Variants in ERC1 observed in about 807,000 individuals in gnomAD.
The protein encoded by ERC1 is ELKS/RAB6-interacting/CAST family member 1.
ERC1 carries 56 observed loss-of-function variants against 132.0 expected under a neutral mutation model. That is an observed-to-expected ratio of 0.42 (90% CI 0.34 to 0.53). ERC1 has a LOEUF of 0.53. ERC1 is among the 20% of genes least tolerant of loss of function. The pLI, the probability that ERC1 is intolerant of heterozygous loss-of-function variation, is 0.03. For synonymous variants in ERC1, 478 were observed against 476.1 expected, an observed-to-expected ratio of 1.00 and a Z score of -0.05; for missense variants, 1,202 against 1,349.9, an observed-to-expected ratio of 0.89 and a Z score of 1.72.
chr12:1,154,319 GTATA>G (rs201196014), intron 8 of ERC1, among the ~76,000 whole-genome samples: 1 of 139,278 alleles, frequency 7.2e-6, no homozygotes, highest in Non-Finnish European at 1.5e-5. Context: ...ATGTGTGTGT[GTATA>G]TATATATACA....
chr12:1,261,069 A>C (rs1173249820), intron 13 of ERC1, among the ~76,000 whole-genome samples: 3 of 152,342 alleles, frequency 2.0e-5, no homozygotes, highest in Admixed American at 6.5e-5. Context: ...GATTCTCTGC[A>C]TTGTGACAGA....
At chr12:1,310,123 A>AT (rs1422113405) in intron 15 of ERC1, among the ~76,000 whole-genome samples, 1 of 151,116 alleles carries the variant, frequency 6.6e-6, no homozygotes, top group East Asian at 1.9e-4. Flanking sequence ...AATTTTTTGT[A>AT]TTTTTAATAG....
intron 18 of ERC1, among the ~76,000 whole-genome samples, chr12:1,466,085 C>T (rs2093737156): frequency 6.6e-6 from 1 of 152,174 alleles, no homozygotes; most frequent in Non-Finnish European, 1.5e-5. Flanking sequence ...CACTGTATTA[C>T]CTTGCTCGGG....
At chr12:1,281,035 G>C (rs2078642881) in intron 14 of ERC1, among the ~76,000 whole-genome samples, 1 of 152,116 alleles carries the variant, frequency 6.6e-6, no homozygotes, top group South Asian at 2.1e-4. Context: ...CATTGCAAAT[G>C]AGAAGAATTA....
At chr12:1,407,464 A>C (rs1427082281) in intron 16 of ERC1, among the ~76,000 whole-genome samples, 1 of 152,046 alleles carries the variant, frequency 6.6e-6, no homozygotes, top group Non-Finnish European at 1.5e-5. Context: ...AGGCCAGAGG[A>C]TGGCTTGAGG....
chr12:1,470,338 C>G (rs1320504045), intron 18 of ERC1, among the ~76,000 whole-genome samples: 2 of 152,104 alleles, frequency 1.3e-5, no homozygotes, highest in Non-Finnish European at 2.9e-5. Flanking sequence ...GTGGATCAGG[C>G]TTTGTGCTGG....
At chr12:1,284,265 C>CGTGT (rs71055142) in intron 14 of ERC1, among the ~76,000 whole-genome samples, 29,164 of 139,840 alleles carry the variant, frequency 0.21, 3,160 homozygotes, top group East Asian at 0.32. Flanking sequence ...GAATAGTATT[C>CGTGT]GTGTGTGTGT....
intron 17 of ERC1, among the ~76,000 whole-genome samples, chr12:1,415,436 T>C (rs1195432895): frequency 6.6e-6 from 1 of 152,246 alleles, no homozygotes; most frequent in Non-Finnish European, 1.5e-5. Flanking sequence ...TTAGAGATGA[T>C]GTAAATATTA....
chr12:1,153,976 A>C (rs1180489114), intron 8 of ERC1, among the ~76,000 whole-genome samples: 1 of 151,912 alleles, frequency 6.6e-6, no homozygotes, highest in Non-Finnish European at 1.5e-5. Context: ...GTAATTTTTC[A>C]TTTCTCCCCT....
intron 11 of ERC1, among the ~76,000 whole-genome samples, chr12:1,188,485 T>C (rs1401321784): frequency 6.6e-6 from 1 of 152,200 alleles, no homozygotes; most frequent in Admixed American, 6.5e-5. Context: ...ATTTTAGACA[T>C]TGGACAACAT....
intron 2 of ERC1, among the ~76,000 whole-genome samples, chr12:1,030,264 A>G (rs1184137427): frequency 1.3e-5 from 2 of 152,220 alleles, no homozygotes; most frequent in African/African-American, 2.4e-5. Flanking sequence ...AATAAAAATT[A>G]TAAAGAAAGC....
intron 15 of ERC1, among the ~76,000 whole-genome samples, chr12:1,353,032 T>C (rs561755020): frequency 5.4e-5 from 8 of 147,608 alleles, no homozygotes; most frequent in Non-Finnish European, 8.9e-5. Context: ...TCTTTTCTTT[T>C]TTTTTTTTTT....
Position 1,291,943 on chromosome 12 carries a change from C to A in ERC1, c.2780+1931C>A, listed in dbSNP as rs1414962600. On this transcript the variant is annotated intron_variant, in intron 15 of 18. Coordinates refer to ENST00000360905, the MANE Select transcript of ERC1 (RefSeq NM_178040.4). The stretch of plus-strand genomic sequence containing the variant: ...TTCCTTATGCTGTGGTTTTGTTAAC[C>A]ATTACTTTTTTATTCCACTTTTATG... 3.9e-5 allele frequency among the ~76,000 whole-genome samples: 6 copies of A among 152,252 alleles called. No individual in the cohort carries two copies. In the East Asian group the frequency reaches 9.6e-4, roughly 24 times the overall value.
chr12:1,240,398 G>T (rs2075715013), intron 13 of ERC1, among the ~76,000 whole-genome samples: 1 of 152,180 alleles, frequency 6.6e-6, no homozygotes, highest in Admixed American at 6.5e-5. Context: ...GGAAAAGAAA[G>T]ATATCACTTA....
intron 18 of ERC1, among the ~76,000 whole-genome samples, chr12:1,470,419 T>C (rs527553401): frequency 6.6e-4 from 100 of 152,158 alleles, no homozygotes; most frequent in Non-Finnish European, 1.2e-3. Flanking sequence ...ATTAGGTTTC[T>C]TATTAGTTGT....
chr12:1,206,814 C>T (rs770214082), intron 12 of ERC1, among the ~76,000 whole-genome samples: 1 of 152,002 alleles, frequency 6.6e-6, no homozygotes, highest in African/African-American at 2.4e-5. Flanking sequence ...TTATCAGTTA[C>T]CACTGTAGAC....
At chr12:1,147,330 C>T (rs574813135) in intron 8 of ERC1, among the ~76,000 whole-genome samples, 9 of 152,260 alleles carry the variant, frequency 5.9e-5, no homozygotes, top group African/African-American at 2.2e-4. Context: ...TAAAGGGATG[C>T]TGGATTTTGT....
intron 15 of ERC1, among the ~76,000 whole-genome samples, chr12:1,335,910 G>A (rs902742211): frequency 6.6e-6 from 1 of 152,028 alleles, no homozygotes; most frequent in African/African-American, 2.4e-5. Flanking sequence ...TGGTTGGTTG[G>A]TTGGCTATTT....
At chr12:1,042,463 A>G (rs1190555289) in intron 2 of ERC1, among the ~76,000 whole-genome samples, 2 of 147,390 alleles carry the variant, frequency 1.4e-5, no homozygotes, top group East Asian at 2.0e-4. Context: ...CTCTTGCTTC[A>G]GCCTCCAGAG....
Sources: gnomAD v4.1 joint callset for allele counts (sites outside exome capture counted in the v4.1 genomes callset) on GRCh38, gnomAD v4.1.1 for gene constraint, MANE v1.5 for transcripts, NCBI Gene and HGNC (gene_info 2026-07-23, HGNC 2026-07-21) for gene names.